UBR2: variants seen among roughly 807,000 people sequenced by gnomAD.
UBR2 encodes the protein E3 ubiquitin-protein ligase UBR2.
Under a neutral mutation model 247.9 loss-of-function variants are expected in UBR2, and 92 were observed. The observed-to-expected ratio is 0.37, with a 90% confidence interval of 0.31 to 0.44. The LOEUF (loss-of-function observed/expected upper bound fraction) is 0.44, where lower values mean the gene tolerates loss of function less well. Ranked by LOEUF, UBR2 falls within the 20% of genes least tolerant of loss-of-function variation. UBR2 has a pLI of 1.00. For synonymous variants in UBR2, 672 were observed against 693.5 expected (o/e 0.97, Z 0.49); for missense variants, 1,613 against 2,112.6 (o/e 0.76, Z 4.64).
chr6:42,669,510 T>C (rs1018994276), intron 34 of UBR2, among the ~76,000 whole-genome samples: 6 of 152,218 alleles, frequency 3.9e-5, no homozygotes, highest in Non-Finnish European at 4.4e-5. Context: ...TTTTGCTTTC[T>C]ACATTGTCTC....
At chr6:42,597,527 A>T (rs879541166) in intron 4 of UBR2, among the ~76,000 whole-genome samples, 1 of 151,356 alleles carries the variant, frequency 6.6e-6, no homozygotes, top group Non-Finnish European at 1.5e-5. Context: ...GCCAGGGGAG[A>T]TTGAGGATGC....
intron 28 of UBR2, 86 bp from the exon 29 acceptor site, chr6:42,658,560 G>T: frequency 7.8e-7 from 1 of 1,277,920 alleles, no homozygotes; most frequent in Non-Finnish European, 1.1e-6. Context: ...TTTTTTAATT[G>T]GTATTTACAG....
intron 2 of UBR2, 69 bp from the exon 3 acceptor site, chr6:42,592,082 T>C (rs772079480): frequency 9.4e-5 from 134 of 1,428,954 alleles, no homozygotes; most frequent in South Asian, 5.1e-4. Flanking sequence ...GATTCCAATT[T>C]GAAATAATTC....
At chr6:42,609,088 A>C (rs1419484655) in intron 7 of UBR2, among the ~76,000 whole-genome samples, 1 of 152,236 alleles carries the variant, frequency 6.6e-6, no homozygotes, top group African/African-American at 2.4e-5. Context: ...AATATACATG[A>C]AGTTAGAGTG....
At chr6:42,614,215 TATACACACAC>T (rs1338570598) in intron 8 of UBR2, among the ~76,000 whole-genome samples, 3 of 50,066 alleles carry the variant, frequency 6.0e-5, no homozygotes, top group Admixed American at 4.6e-4. Context: ...ACTATATATA[TATACACACAC>T]ACACACACAC....
chr6:42,586,521 G>C (rs1415168281), intron 2 of UBR2, among the ~76,000 whole-genome samples: 2 of 113,976 alleles, frequency 1.8e-5, no homozygotes, highest in African/African-American at 6.6e-5. Context: ...TTTGCTATTT[G>C]TTTTCAGTTT....
rs1156690754 is a variant in UBR2, at chr6:42,659,732, A to T, written c.3319A>T (p.Thr1107Ser). ...GGTTCCTGAACAAAGACAATTCGTT[A>T]CATGTATATTGTGTCAAGAGGAGCA... is the stretch of plus-strand genomic sequence containing the variant. ...TQVPEQRQFVTCILCQEEQEV... is the reference protein window; with the variant it reads ...TQVPEQRQFVSCILCQEEQEV... Residue 1107 changes from threonine to serine, a missense_variant, in exon 30 of 47, where the codon ACA becomes TCA. Thr to Ser is a moderately conservative substitution (Grantham distance 58, BLOSUM62 1). Around this residue, in one of 3 missense-constraint regions of UBR2, gnomAD observed 1,524 missense variants for 1,967.3 expected, o/e 0.77. Transcript: ENST00000372901. This position sits in a 1 kb window ranked among gnomAD's most constrained non-coding sequence, Gnocchi z 4.3. The T allele has an allele frequency of 6.2e-7, 1 of 1,614,060 alleles. No homozygotes were observed. Among genetic ancestry groups the T allele is most frequent in the African/African-American group, 1.3e-5 (1 of 74,924 alleles).
intron 4 of UBR2, among the ~76,000 whole-genome samples, chr6:42,598,339 T>C (rs1451948576): frequency 6.6e-6 from 1 of 152,228 alleles, no homozygotes; most frequent in Admixed American, 6.5e-5. Context: ...AACGTAGTAT[T>C]TGTAGTTGTT....
chr6:42,605,608 A>C (rs2054661072), intron 5 of UBR2, 113 bp from the exon 6 acceptor site: 1 of 860,610 alleles, frequency 1.2e-6, no homozygotes, highest in African/African-American at 1.7e-5. Context: ...TTCTTTACAG[A>C]TATGTGTCCA....
chr6:42,638,483 T>A (rs1301062135), intron 15 of UBR2, among the ~76,000 whole-genome samples: 1 of 152,228 alleles, frequency 6.6e-6, no homozygotes, highest in Non-Finnish European at 1.5e-5. Context: ...ATAAAGTTGT[T>A]ATTCCTAGAC....
At chr6:42,623,407 G>T (rs1795127258) in intron 11 of UBR2, among the ~76,000 whole-genome samples, 1 of 152,106 alleles carries the variant, frequency 6.6e-6, no homozygotes, top group Admixed American at 6.6e-5. Flanking sequence ...GAGTACCTGG[G>T]ACTATAGGCA....
Position 42,592,158 on chromosome 6 carries a change from G to A in UBR2, c.346G>A (p.Ala116Thr), listed in dbSNP as rs1226604406. The A allele has an allele frequency of 6.2e-7, 1 of 1,602,602 alleles. No homozygotes were observed. The highest frequency in any genetic ancestry group is 8.5e-7 in the Non-Finnish European group (1 of 1,176,562). ...GEPTYSCRDC[A>T]VDPTCVLCME... ...TTTTTTTTAACTTTACAGAGACTGT[G>A]CAGTTGATCCAACTTGTGTTTTGTG... The change falls in exon 3 of 47, where the codon GCA (alanine) becomes ACA (threonine). Residue 116 changes from alanine to threonine, a missense_variant. Around this residue, in one of 3 missense-constraint regions of UBR2, gnomAD observed 1,524 missense variants for 1,967.3 expected, o/e 0.77. Transcript: ENST00000372901.
chr6:42,653,331 C>G (rs1025642425), intron 25 of UBR2, among the ~76,000 whole-genome samples: 4 of 152,306 alleles, frequency 2.6e-5, no homozygotes, highest in African/African-American at 4.8e-5. Context: ...AATCCTCCCC[C>G]CTCGGCCTCC....
At chr6:42,677,449 T>G (rs939713308) in intron 40 of UBR2, among the ~76,000 whole-genome samples, 9 of 151,944 alleles carry the variant, frequency 5.9e-5, no homozygotes, top group African/African-American at 1.7e-4. Flanking sequence ...ACAAAATAAT[T>G]CAACATATAG....
chr6:42,655,904 TA>T (rs1366771317), intron 26 of UBR2, among the ~76,000 whole-genome samples, 181 bp downstream of exon 26: 1 of 152,156 alleles, frequency 6.6e-6, no homozygotes, highest in African/African-American at 2.4e-5. Context: ...TACATTTTTA[TA>T]AAAATATCTA....
intron 2 of UBR2, among the ~76,000 whole-genome samples, chr6:42,591,785 C>T (rs999695718): frequency 6.6e-6 from 1 of 152,062 alleles, no homozygotes; most frequent in African/African-American, 2.4e-5. Context: ...ATTTGAAATT[C>T]CAATATATGA....
Position 42,623,331 on chromosome 6 carries a change from C to T in UBR2, c.1281+5824C>T, listed in dbSNP as rs1795121432. ...GGTAGTGTTGTTTAAGAGAGGGAGC[C>T]TTGTGATGTTGCCCAGCCTGCCCTC... On this transcript the variant is annotated intron_variant, in intron 11 of 46. Coordinates refer to ENST00000372901, the MANE Select transcript of UBR2 (RefSeq NM_001363705.2). Among the ~76,000 whole-genome samples, 3 of 151,880 alleles carry T rather than the reference C, an allele frequency of 2.0e-5. No individual in the cohort carries two copies. In the South Asian group the frequency reaches 6.2e-4, roughly 32 times the overall value.
intron 2 of UBR2, among the ~76,000 whole-genome samples, chr6:42,580,873 A>G (rs1338352297): frequency 6.6e-6 from 1 of 152,086 alleles, no homozygotes; most frequent in African/African-American, 2.4e-5. Flanking sequence ...AGTTAACCTT[A>G]TATGATTTAT....
chr6:42,631,173 A>G (rs2151949929), intron 11 of UBR2, among the ~76,000 whole-genome samples: 1 of 152,250 alleles, frequency 6.6e-6, no homozygotes, highest in East Asian at 1.9e-4. Context: ...AGGCCTGTTT[A>G]AGTTGTCACC....
Sources: gnomAD v4.1 joint callset for allele counts (sites outside exome capture counted in the v4.1 genomes callset) on GRCh38, gnomAD v4.1.1 for gene constraint, gnomAD v4.1.1 regional missense constraint, Gnocchi (gnomAD v3.1) non-coding constraint, MANE v1.5 for transcripts, NCBI Gene and HGNC (gene_info 2026-07-23, HGNC 2026-07-21) for gene names.